The following SYNPO variants were observed in gnomAD, a reference collection of about 807,000 sequenced individuals.
The protein encoded by SYNPO is synaptopodin.
A neutral mutation model predicts 49.5 loss-of-function variants in SYNPO; 19 were observed. That is an observed-to-expected ratio of 0.38 (90% CI 0.27 to 0.56). The LOEUF is 0.56. SYNPO is among the 20% of genes least tolerant of loss of function. The pLI, the probability that SYNPO is intolerant of heterozygous loss-of-function variation, is 0.68. For synonymous variants in SYNPO, 536 were observed against 548.0 expected (o/e 0.98, Z 0.31); for missense variants, 1,131 against 1,248.3 (o/e 0.91, Z 1.42).
At chr5:150,618,418 G>T (rs1235205377) in exon 2 of SYNPO, 9 of 1,551,454 alleles carry the variant, frequency 5.8e-6, no homozygotes, top group Non-Finnish European at 7.8e-6. Context: ...GCGAAGGGAG[G>T]CCTACCCCCT....
At chr5:150,593,003 T>A in the SYNPO span, among the ~76,000 whole-genome samples, 2 of 152,232 alleles carry the variant, frequency 1.3e-5, no homozygotes, top group Non-Finnish European at 2.9e-5. Context: ...CTTCCTGTTA[T>A]GTCTCTGTAG....
chr5:150,608,700 T>C lies in SYNPO; in HGVS notation c.-266+7512T>C, dbSNP rs370430428. Among the ~76,000 whole-genome samples, 248 of 152,236 alleles carry C rather than the reference T, an allele frequency of 1.6e-3. 1 individual carries two copies. The highest frequency in any genetic ancestry group is 2.6e-3 in the Non-Finnish European group (180 of 68,006). ...GAGGGTTCCCAAACCTACCTGCGCATAGGAACAACCTGCGAAGCTTCAAAA... is the reference window on the plus strand; with the variant it reads ...GAGGGTTCCCAAACCTACCTGCGCACAGGAACAACCTGCGAAGCTTCAAAA... On this transcript the variant is annotated intron_variant, in intron 1 of 2. Transcript: ENST00000394243.
intron 2 of SYNPO, chr5:150,651,364 T>A (rs534547436): frequency 1.0e-6 from 1 of 1,000,462 alleles, no homozygotes; most frequent in African/African-American, 1.7e-5. Context: ...GCCTCAGTTT[T>A]ATCATTTATA....
At chr5:150,587,626 A>G in the SYNPO span, among the ~76,000 whole-genome samples, 2 of 152,222 alleles carry the variant, frequency 1.3e-5, no homozygotes, top group Admixed American at 6.5e-5. Context: ...TATTTATTAC[A>G]TTGTTAAAAT....
chr5:150,602,387 G>A (rs189387263), intron 1 of SYNPO, among the ~76,000 whole-genome samples: 24 of 152,316 alleles, frequency 1.6e-4, no homozygotes, highest in Middle Eastern at 3.4e-3. Context: ...CCCATGAGAC[G>A]GTGCCATGTA....
rs1758552616 is a variant in SYNPO, at chr5:150,656,440, A to C, written c.2065A>C (p.Thr689Pro). Residue 689 changes from threonine to proline, a missense_variant, in exon 3 of 3, where the codon ACG (threonine) becomes CCG (proline). Physicochemically the swap from Thr to Pro is conservative, Grantham distance 38. Transcript: ENST00000307662. ...GAGCCTGCCCACCTCCCCACCCTGG[A>C]CGCCGGGCGCGTCCCGGCCCCCCAG... ...RESLPTSPPW[T>P]PGASRPPSSL... 6.5e-7 allele frequency: 1 copy of C among 1,531,492 alleles called. No homozygotes were observed. The highest frequency in any genetic ancestry group is 2.5e-5 in the East Asian group (1 of 40,534). 94.9% of individuals were successfully genotyped at this position (1,531,492 alleles called of 1,614,324 possible). A position where few individuals can be genotyped will look rare whatever the true frequency, so the allele number is the denominator to read the frequency against.
At position 150,649,933 on chromosome 5, in the gene SYNPO, G is replaced by A; in HGVS notation, c.1658G>A (p.Gly553Glu). ...SLYHGYLPEN[G>E]VLRPEPTKQP... ...TACCATGGCTACCTGCCTGAGAACG[G>A]GGTCCTGCGCCCAGAGCCCACCAAG... The change falls in exon 2 of 3, where the codon GGG (glycine) becomes GAG (glutamate). Residue 553 changes from glycine (G) to glutamate (E), a missense_variant. Transcript: ENST00000307662. The A allele has an allele frequency of 3.7e-6, 6 of 1,612,390 alleles. No homozygotes were observed. The highest frequency in any genetic ancestry group is 5.1e-6 in the Non-Finnish European group (6 of 1,179,972).
intron 1 of SYNPO, among the ~76,000 whole-genome samples, chr5:150,609,484 G>A (rs1049491184): frequency 1.3e-5 from 2 of 152,046 alleles, no homozygotes; most frequent in Non-Finnish European, 2.9e-5. Flanking sequence ...TAGTAGAAAT[G>A]GGGTTTCACC....
intron 1 of SYNPO, among the ~76,000 whole-genome samples, chr5:150,608,798 G>A (rs578186653): frequency 6.6e-6 from 1 of 152,302 alleles, no homozygotes; most frequent in Non-Finnish European, 1.5e-5. Flanking sequence ...GCTTTGGAAT[G>A]TATAAAAGAT....
Position 150,657,080 on chromosome 5 carries a change from C to T in SYNPO, c.2705C>T (p.Thr902Ile), listed in dbSNP as rs1473582657. ...AGCCTCCCCGCCGAGGCCTCCTGCA[C>T]CACCTAGAGCCCCACCCCCGACCCC... ...RGSLPAEASCTT is the reference protein window; with the variant it reads ...RGSLPAEASCIT The change falls in exon 3 of 3, where the codon ACC becomes ATC. Residue 902 changes from threonine to isoleucine, a missense_variant. By Grantham distance (89) the Thr-to-Ile change is moderately conservative. Transcript: ENST00000307662. 1.3e-6 allele frequency: 2 copies of T among 1,583,114 alleles called. No individual in the cohort carries two copies. Among genetic ancestry groups the T allele is most frequent in the Admixed American group, 3.5e-5 (2 of 56,426 alleles).
upstream of SYNPO, among the ~76,000 whole-genome samples, chr5:150,598,490 T>TG (rs1408076443): frequency 1.3e-5 from 2 of 152,236 alleles, no homozygotes; most frequent in Non-Finnish European, 2.9e-5. Flanking sequence ...ACCAGCTTTC[T>TG]GGGGTTGTCA....
rs1758650447 is a variant in SYNPO at position 150,658,508 on chromosome 5, C to G, written c.*1421C>G. 6.6e-6 allele frequency: 1 copy of G among 152,320 alleles called. No individual in the cohort carries two copies. Among genetic ancestry groups the G allele is most frequent in the African/African-American group, 2.4e-5 (1 of 41,402 alleles). The allele number at this position is 152,320 out of a possible 1,614,324, so 9.4% of individuals were successfully genotyped here. ...ACCTTGGTGGCTGTGATTCAGGTCC[C>G]CAGGGGGGACTCAGGGAGGAATATG... On this transcript the variant is annotated 3_prime_UTR_variant, in exon 3 of 3. Transcript: ENST00000307662.
chr5:150,632,602 C>T (rs1757577554), intron 2 of SYNPO, among the ~76,000 whole-genome samples: 1 of 152,180 alleles, frequency 6.6e-6, no homozygotes, highest in African/African-American at 2.4e-5. Context: ...CTGAGAGCTT[C>T]TGACAGTTGG....
rs759758289 is a variant in SYNPO at position 150,647,959 on chromosome 5, C to G, written c.-317C>G. On this transcript the variant is annotated 5_prime_UTR_variant, in exon 2 of 3. Transcript: ENST00000307662. ...CTCCCTGTAGCGTTGGGCCGGAGCA[C>G]TAGCCTCACGGAGAAGGATCTGAAA... 6.4e-7 allele frequency: 1 copy of G among 1,551,826 alleles called. No homozygotes were observed. Among genetic ancestry groups the G allele is most frequent in the South Asian group, 1.2e-5 (1 of 84,064 alleles).
rs1457580708 is a variant in SYNPO at position 150,650,224 on chromosome 5, C to T, written c.1949C>T (p.Pro650Leu). The change falls in exon 2 of 3, where the codon CCC becomes CTC. Residue 650 changes from proline to leucine, a missense_variant. Physicochemically the swap from Pro to Leu is moderately conservative, Grantham distance 98 (BLOSUM62 -3). Coordinates refer to ENST00000307662, the MANE Select transcript of SYNPO (RefSeq NM_007286.6). ...PYGGDISPVS[P>L]SRAWSPRAKQ... The stretch of plus-strand genomic sequence containing the variant: ...GGCGGTGACATCTCCCCCGTGTCTC[C>T]CTCCAGGGCGTGGTCTCCCCGAGCC... The T allele has an allele frequency of 6.2e-7, 1 of 1,613,960 alleles. No homozygotes were observed. Among genetic ancestry groups the T allele is most frequent in the South Asian group, 1.1e-5 (1 of 91,088 alleles).
chr5:150,650,286 G>A lies in SYNPO; in HGVS notation c.2011G>A (p.Ala671Thr), dbSNP rs371550943. ...APRPSFSTRNAGIEAQDRRES... is the reference protein window; with the variant it reads ...APRPSFSTRNTGIEAQDRRES... The stretch of plus-strand genomic sequence containing the variant: ...CAGGCCCTCCTTCTCTACCCGGAAC[G>A]CCGGGATCGAGGCTCAGGTGTGGAA... The change falls in exon 2 of 3, where the codon GCC (alanine) becomes ACC (threonine). Residue 671 changes from alanine (A) to threonine (T), a missense_variant. By Grantham distance (58) the Ala-to-Thr change is moderately conservative. Around this residue, in one of 4 missense-constraint regions of SYNPO, gnomAD observed 509 missense variants for 484.5 expected, o/e 1.05. Coordinates refer to ENST00000307662, the MANE Select transcript of SYNPO (RefSeq NM_007286.6). The A allele has an allele frequency of 2.5e-5, 40 of 1,613,994 alleles. No individual in the cohort carries two copies. The highest frequency in any genetic ancestry group is 3.1e-5 in the Non-Finnish European group (36 of 1,180,050).
chr5:150,608,061 G>A (rs919631809), intron 1 of SYNPO, among the ~76,000 whole-genome samples: 13 of 152,196 alleles, frequency 8.5e-5, no homozygotes, highest in Non-Finnish European at 1.5e-4. Flanking sequence ...ATTTCCTTTC[G>A]AGGCACTCGC....
intron 1 of SYNPO, 33 bp from the exon 2 acceptor site, chr5:150,647,911 G>C (rs771340767): frequency 3.9e-6 from 6 of 1,537,334 alleles, no homozygotes. Flanking sequence ...CTGCATTCCT[G>C]TTTGCTAACT....
At chr5:150,618,260 G>A (rs1196823737) in exon 2 of SYNPO, 3 of 1,331,564 alleles carry the variant, frequency 2.3e-6, no homozygotes, top group Non-Finnish European at 3.0e-6. Context: ...AGAGTCAGAG[G>A]AGGCTGTGTA....
Sources: gnomAD v4.1 joint callset for allele counts (sites outside exome capture counted in the v4.1 genomes callset) on GRCh38, gnomAD v4.1.1 for gene constraint, gnomAD v4.1.1 regional missense constraint, MANE v1.5 for transcripts, NCBI Gene and HGNC (gene_info 2026-07-23, HGNC 2026-07-21) for gene names.